The following ACOT1 variants were observed in gnomAD, a reference collection of about 807,000 sequenced individuals.
ACOT1 encodes the protein acyl-coenzyme A thioesterase 1.
In ACOT1, 8 loss-of-function variants were observed where a neutral mutation model predicts 15.7. The observed-to-expected ratio is 0.51, with a 90% confidence interval of 0.30 to 0.92. ACOT1 has a LOEUF of 0.92. Among genes scored for constraint, ACOT1 ranks in the 40% least tolerant of loss-of-function variants. ACOT1 has a pLI of 0.06. For missense variants in ACOT1, 151 were observed against 539.4 expected (o/e 0.28, Z 7.13); for synonymous variants, 67 against 241.2 (o/e 0.28, Z 6.69).
the ACOT1 span, chr14:73,498,448 G>T: frequency 1.0e-6 from 1 of 992,992 alleles, no homozygotes; most frequent in Non-Finnish European, 1.5e-6. Context: ...CTTTTGGATG[G>T]TAATCACCAT....
chr14:73,521,168 A>G, the ACOT1 span: 31 of 773,708 alleles, frequency 4.0e-5, no homozygotes, highest in Middle Eastern at 7.8e-4. Context: ...ATTGCAGAAC[A>G]CCAATGTTTA....
chr14:73,509,870 T>TATATATATA, the ACOT1 span, among the ~76,000 whole-genome samples: 1 of 65,126 alleles, frequency 1.5e-5, no homozygotes, highest in Non-Finnish European at 3.3e-5. Context: ...ATATATATAT[T>TATATATATA]TATTTATTTT....
At chr14:73,498,946 C>G in the ACOT1 span, 1 of 794,666 alleles carries the variant, frequency 1.3e-6, no homozygotes, top group Non-Finnish European at 2.1e-6. Flanking sequence ...CAAGGAACTT[C>G]TGAAAAGCTA....
At chr14:73,496,650 T>C in the ACOT1 span, 6 of 1,594,668 alleles carry the variant, frequency 3.8e-6, no homozygotes, top group African/African-American at 6.7e-5. Flanking sequence ...ATTTCCTAAG[T>C]TGAGTATCTT....
the ACOT1 span, among the ~76,000 whole-genome samples, chr14:73,524,304 A>ATAT: frequency 7.5e-5 from 7 of 93,776 alleles, no homozygotes; most frequent in African/African-American, 1.6e-4. Flanking sequence ...AAAAAAAAAA[A>ATAT]AAAAAAATAT....
At chr14:73,518,659 C>T in the ACOT1 span, among the ~76,000 whole-genome samples, 3 of 152,046 alleles carry the variant, frequency 2.0e-5, no homozygotes, top group Admixed American at 2.0e-4. Flanking sequence ...AGAGCCAGCC[C>T]AAGGGAAAAG....
At chr14:73,511,556 T>TA in the ACOT1 span, among the ~76,000 whole-genome samples, 3 of 98,106 alleles carry the variant, frequency 3.1e-5, no homozygotes, top group African/African-American at 1.1e-4. Context: ...AATAAATAAA[T>TA]AAATAAATAA....
At chr14:73,520,717 G>T in the ACOT1 span, 1 of 765,624 alleles carries the variant, frequency 1.3e-6, no homozygotes, top group Non-Finnish European at 2.2e-6. Context: ...TGTGGGTGCT[G>T]GGTCATGAAC....
the ACOT1 span, among the ~76,000 whole-genome samples, chr14:73,521,198 T>C: frequency 6.6e-6 from 1 of 152,240 alleles, no homozygotes; most frequent in South Asian, 2.1e-4. Flanking sequence ...CTTGTCCCCA[T>C]GGTGCCAGTT....
chr14:73,500,311 G>A, the ACOT1 span, among the ~76,000 whole-genome samples: 1,460 of 146,844 alleles, frequency 9.9e-3, 57 homozygotes, highest in East Asian at 0.05. Flanking sequence ...ATCAACTATC[G>A]TTAGTGTTAG....
At chr14:73,513,851 G>A in the ACOT1 span, among the ~76,000 whole-genome samples, 11 of 148,264 alleles carry the variant, frequency 7.4e-5, no homozygotes, top group Non-Finnish European at 1.6e-4. Flanking sequence ...CCAGATATAT[G>A]TTAACTGAAG....
the ACOT1 span, chr14:73,493,008 T>TTC: frequency 6.3e-7 from 1 of 1,582,012 alleles, no homozygotes; most frequent in Middle Eastern, 1.7e-4. Context: ...CCTTTTTTTT[T>TTC]TTTTTTTCCT....
At chr14:73,512,832 G>T in the ACOT1 span, among the ~76,000 whole-genome samples, 12 of 151,978 alleles carry the variant, frequency 7.9e-5, no homozygotes, top group Non-Finnish European at 1.0e-4. Context: ...TTTTGTTATT[G>T]TTTATCTGAT....
chr14:73,496,109 G>A, the ACOT1 span, among the ~76,000 whole-genome samples: 2 of 151,936 alleles, frequency 1.3e-5, no homozygotes, highest in African/African-American at 2.4e-5. Context: ...CAGCCTGGGC[G>A]ACAGAGCGAG....
the ACOT1 span, chr14:73,498,220 T>G: frequency 1.1e-5 from 18 of 1,614,124 alleles, no homozygotes; most frequent in Non-Finnish European, 1.4e-5. Flanking sequence ...CCCGGTCCCC[T>G]TGAAGTTTCA....
chr14:73,523,158 G>A, the ACOT1 span: 70 of 1,569,678 alleles, frequency 4.5e-5, no homozygotes, highest in African/African-American at 1.7e-4. Context: ...GTCATACCGC[G>A]TCCCAGCAAA....
At chr14:73,509,870 T>A in the ACOT1 span, among the ~76,000 whole-genome samples, 1,478 of 64,812 alleles carry the variant, frequency 0.023, 91 homozygotes, top group African/African-American at 0.048. Flanking sequence ...ATATATATAT[T>A]TATTTATTTT....
chr14:73,537,994 C>A, intron 1 of ACOT1, 116 bp downstream of exon 1: 1 of 883,338 alleles, frequency 1.1e-6, no homozygotes, highest in Non-Finnish European at 1.5e-6. Context: ...TGTGTGTGTC[C>A]CTCCTCCCGC....
At position 73,542,861 on chromosome 14, in the gene ACOT1, G is replaced by T. The variant is rs2140315083; in HGVS notation, c.661-189G>T. Among the ~76,000 whole-genome samples the T allele has an allele frequency of 1.8e-5, 2 of 112,546 alleles. 1 individual carries two copies. The highest frequency in any genetic ancestry group is 5.6e-4 in the South Asian group (2 of 3,584). The allele number at this position is 112,546 out of a possible 152,430, so 73.8% of individuals were successfully genotyped here. ...AGATCTTCCACATGGTTATCACCAA[G>T]AGTGGTGATGGACAAATTGTGGAAA... On this transcript the variant is annotated intron_variant, in intron 2 of 2. Transcript: ENST00000311148.
Sources: gnomAD v4.1 joint callset for allele counts (sites outside exome capture counted in the v4.1 genomes callset) on GRCh38, gnomAD v4.1.1 for gene constraint, MANE v1.5 for transcripts, NCBI Gene and HGNC (gene_info 2026-07-23, HGNC 2026-07-21) for gene names.